Variants in LTBP1 observed in about 807,000 individuals in gnomAD.
LTBP1 encodes latent-transforming growth factor beta-binding protein 1.
Under a neutral mutation model 207.6 loss-of-function variants are expected in LTBP1, and 129 were observed. That is an observed-to-expected ratio of 0.62 (90% CI 0.54 to 0.72). The LOEUF is 0.72. LTBP1 is among the 30% of genes least tolerant of loss of function. The probability of loss-of-function intolerance (pLI) is 0.00; values close to 1 mark genes in which losing one functional copy is unlikely to be tolerated. For missense variants in LTBP1, 2,281 were observed against 2,217.2 expected (o/e 1.03, Z -0.58); for synonymous variants, 963 against 833.7 (o/e 1.16, Z -2.67).
intron 22 of LTBP1, among the ~76,000 whole-genome samples, chr2:33,304,044 T>C (rs2094043219): frequency 1.3e-5 from 2 of 152,200 alleles, no homozygotes; most frequent in Admixed American, 6.5e-5. Context: ...TTAACAGAAG[T>C]CTAAGGTTTT....
Position 33,157,095 on chromosome 2 carries a change from C to T in LTBP1, c.1201+22135C>T, listed in dbSNP as rs189683206. ...ATGCAGGGGAGGCAGACATAATTTTCCCCCTTTCTAGAGTTCTTGGCCTTG... is the reference window on the plus strand; with the variant it reads ...ATGCAGGGGAGGCAGACATAATTTTTCCCCTTTCTAGAGTTCTTGGCCTTG... On this transcript the variant is annotated intron_variant, in intron 5 of 33. Coordinates refer to ENST00000404816, the MANE Select transcript of LTBP1 (RefSeq NM_206943.4). Among the ~76,000 whole-genome samples, 31 of 152,258 alleles carry T rather than the reference C, an allele frequency of 2.0e-4. 1 individual carries two copies. The highest frequency in any genetic ancestry group is 6.3e-4 in the African/African-American group (26 of 41,554).
chr2:33,303,551 CGTGTTAACCTGGATG>C (rs2094029784), intron 22 of LTBP1, among the ~76,000 whole-genome samples: 1 of 151,908 alleles, frequency 6.6e-6, no homozygotes, highest in African/African-American at 2.4e-5. Flanking sequence ...GGGTTTTCAC[CGTGTTAACCTGGATG>C]GTCTTGATCT....
At chr2:33,398,259 C>G (rs1357997651) in intron 33 of LTBP1, 105 bp from the exon 34 acceptor site, 1 of 995,448 alleles carries the variant, frequency 1.0e-6, no homozygotes, top group Non-Finnish European at 1.5e-6. Context: ...GACGAGAAAG[C>G]TTCCTTGGGG....
At chr2:33,158,689 G>A (rs2084207606) in intron 5 of LTBP1, among the ~76,000 whole-genome samples, 1 of 152,212 alleles carries the variant, frequency 6.6e-6, no homozygotes, top group South Asian at 2.1e-4. Context: ...TCTTTCCAGT[G>A]ATTCATATGT....
chr2:33,281,020 A>G (rs2093550537), intron 19 of LTBP1, among the ~76,000 whole-genome samples: 1 of 152,152 alleles, frequency 6.6e-6, no homozygotes, highest in African/African-American at 2.4e-5. Context: ...TCAGTGAGCT[A>G]TGATTGTGCC....
Position 33,300,592 on chromosome 2 carries a change from G to T in LTBP1, c.3358+19G>T. On this transcript the variant is annotated intron_variant, in intron 21 of 33. Transcript: ENST00000404816. ...TGTGAAGGTAAGAGGGTAGTAACATGAACTACTGAAACTTCAGCTTAAAGC... is the reference window on the plus strand; with the variant it reads ...TGTGAAGGTAAGAGGGTAGTAACATTAACTACTGAAACTTCAGCTTAAAGC... 1 of 1,605,842 alleles carries T rather than the reference G, an allele frequency of 6.2e-7. No homozygotes were observed. The highest frequency in any genetic ancestry group is 1.1e-5 in the South Asian group (1 of 90,254).
chr2:33,101,511 C>T lies in LTBP1; in HGVS notation c.864-9071C>T, dbSNP rs546656879. ...AACTTTGTGAGGCGATGTTATTACC[C>T]TTATATCACTATGAAGGAGTTGAGG... On this transcript the variant is annotated intron_variant, in intron 3 of 33. Coordinates refer to ENST00000404816, the MANE Select transcript of LTBP1 (RefSeq NM_206943.4). Among the ~76,000 whole-genome samples, 5 of 152,292 alleles carry T rather than the reference C, an allele frequency of 3.3e-5. No homozygotes were observed. The South Asian group carries it at 8.3e-4, about 25-fold the overall frequency.
rs1053004743 is a variant in LTBP1, at chr2:33,001,071, C to G, written c.566-19838C>G. On this transcript the variant is annotated intron_variant, in intron 2 of 33. Coordinates refer to ENST00000404816, the MANE Select transcript of LTBP1 (RefSeq NM_206943.4). ...GTGACCACCTGTCCTTCCTGACACG[C>G]TGACCTTTAGTCCCTGAGCTGCCTC... Among the ~76,000 whole-genome samples, 2 of 134,930 alleles carry G rather than the reference C, an allele frequency of 1.5e-5. 1 individual carries two copies. The highest frequency in any genetic ancestry group is 1.5e-4 in the Admixed American group (2 of 13,152). 88.5% of individuals were successfully genotyped at this position (134,930 alleles called of 152,430 possible).
chr2:33,008,415 A>T (rs1393914950), intron 2 of LTBP1, among the ~76,000 whole-genome samples: 5 of 152,170 alleles, frequency 3.3e-5, no homozygotes, highest in Admixed American at 1.3e-4. Context: ...TTTCTTTTTT[A>T]AAAAAATATT....
intron 3 of LTBP1, among the ~76,000 whole-genome samples, chr2:33,109,105 T>C (rs1191668618): frequency 6.6e-6 from 1 of 152,262 alleles, no homozygotes; most frequent in Admixed American, 6.5e-5. Context: ...AGCCTAATTC[T>C]AGCCTCTTCT....
At chr2:32,986,796 C>G (rs1227994512) in intron 2 of LTBP1, among the ~76,000 whole-genome samples, 1 of 152,222 alleles carries the variant, frequency 6.6e-6, no homozygotes, top group Non-Finnish European at 1.5e-5. Flanking sequence ...ATGACACCAA[C>G]AACTCCAAAC....
chr2:33,260,019 A>G (rs1407052296), intron 13 of LTBP1, among the ~76,000 whole-genome samples: 2 of 152,224 alleles, frequency 1.3e-5, no homozygotes, highest in East Asian at 1.9e-4. Context: ...AGTACTTCTT[A>G]GTTCAACTAA....
chr2:33,101,668 A>G (rs951398450), intron 3 of LTBP1, among the ~76,000 whole-genome samples: 3 of 152,042 alleles, frequency 2.0e-5, no homozygotes, highest in African/African-American at 7.2e-5. Context: ...TTACATTTTG[A>G]ATTTTTTTTT....
chr2:33,356,080 T>A (rs1195039072), intron 26 of LTBP1, among the ~76,000 whole-genome samples: 1 of 151,878 alleles, frequency 6.6e-6, no homozygotes, highest in Non-Finnish European at 1.5e-5. Context: ...CCACAAGTAT[T>A]TCCAAGGAAG....
intron 2 of LTBP1, among the ~76,000 whole-genome samples, chr2:33,000,037 T>C (rs1029763053): frequency 2.2e-5 from 3 of 134,342 alleles, no homozygotes; most frequent in African/African-American, 7.8e-5. Context: ...TCAGTAGGGC[T>C]TGGGAAGGAC....
At chr2:33,007,391 T>A (rs1322146349) in intron 2 of LTBP1, among the ~76,000 whole-genome samples, 4 of 152,250 alleles carry the variant, frequency 2.6e-5, no homozygotes, top group Non-Finnish European at 5.9e-5. Context: ...CCTGAAGGAA[T>A]GCTGTCAAAA....
At chr2:33,229,771 C>G (rs903278338) in intron 9 of LTBP1, among the ~76,000 whole-genome samples, 1 of 152,146 alleles carries the variant, frequency 6.6e-6, no homozygotes, top group Non-Finnish European at 1.5e-5. Context: ...CTGCCTTAGT[C>G]AATTCGCTGA....
intron 3 of LTBP1, among the ~76,000 whole-genome samples, chr2:33,021,620 T>C (rs1437405718): frequency 1.1e-4 from 16 of 152,190 alleles, no homozygotes; most frequent in African/African-American, 2.4e-5. Context: ...AGGTAAGAAC[T>C]CAGCTTGCAC....
chr2:33,021,978 TA>T (rs902798920), intron 3 of LTBP1, among the ~76,000 whole-genome samples: 1 of 152,228 alleles, frequency 6.6e-6, no homozygotes, highest in Non-Finnish European at 1.5e-5. Flanking sequence ...GTACTGCAAC[TA>T]TCACTTGTCA....
Sources: allele counts gnomAD v4.1 joint callset (sites outside exome capture counted in the v4.1 genomes callset), GRCh38; gene constraint gnomAD v4.1.1; transcripts MANE v1.5; gene names NCBI Gene and HGNC (gene_info 2026-07-23, HGNC 2026-07-21).